Variants in AGAP1 observed in about 807,000 individuals in gnomAD.
AGAP1 encodes arf-GAP with GTPase, ANK repeat and PH domain-containing protein 1.
In AGAP1, 29 loss-of-function variants were observed where a neutral mutation model predicts 105.3. The ratio of observed to expected loss-of-function variants is 0.28; its 90% CI spans 0.21 to 0.38. AGAP1 has a LOEUF of 0.38. Ranked by LOEUF, AGAP1 falls within the 10% of genes least tolerant of loss-of-function variation. AGAP1 has a pLI of 1.00. For synonymous variants in AGAP1, 509 were observed against 485.9 expected, an observed-to-expected ratio of 1.05 and a Z score of -0.63; for missense variants, 998 against 1,165.1, an observed-to-expected ratio of 0.86 and a Z score of 2.09.
rs201038956 is a variant in AGAP1, at chr2:235,687,913, T to TTTA, written c.164-21264_164-21263insATT. Among the ~76,000 whole-genome samples the TTTA allele has an allele frequency of 2.1e-5, 3 of 144,886 alleles. 1 individual carries two copies. Among genetic ancestry groups the TTTA allele is most frequent in the African/African-American group, 7.8e-5 (3 of 38,548 alleles). ...CCGCTCTCTGACTTTTTTTTTTTTT[T>TTTA]TTTTTTGAGATGGAGTCTCACTCTG... On this transcript the variant is annotated intron_variant, in intron 1 of 17. Coordinates refer to ENST00000304032, the MANE Select transcript of AGAP1 (RefSeq NM_001037131.3).
chr2:235,739,696 C>T lies in AGAP1; in HGVS notation c.311-1267C>T, dbSNP rs1952461316. On this transcript the variant is annotated intron_variant, in intron 3 of 17. Coordinates refer to ENST00000304032, the MANE Select transcript of AGAP1 (RefSeq NM_001037131.3). This position sits in a 1 kb window ranked among gnomAD's most constrained non-coding sequence, Gnocchi z 5.3. ...ATGGCAGGAGCTCGCGGGAACGGGC[C>T]AACGCCCCACTGCCCCAGTCAGCCC... Among the ~76,000 whole-genome samples, 1 of 152,258 alleles carries T rather than the reference C, an allele frequency of 6.6e-6. No individual in the cohort carries two copies. The highest frequency in any genetic ancestry group is 1.5e-5 in the Non-Finnish European group (1 of 68,048).
At chr2:235,794,612 C>G (rs531026169) in intron 6 of AGAP1, among the ~76,000 whole-genome samples, 1 of 152,308 alleles carries the variant, frequency 6.6e-6, no homozygotes, top group African/African-American at 2.4e-5. Flanking sequence ...GTTGGGATTA[C>G]AGGCATGCGC....
chr2:235,526,304 A>T (rs1022735698), intron 1 of AGAP1, among the ~76,000 whole-genome samples: 2 of 152,240 alleles, frequency 1.3e-5, no homozygotes, highest in Non-Finnish European at 2.9e-5. Context: ...CCAGAGGCAT[A>T]TCTAGGTTCT....
Position 236,127,399 on chromosome 2 carries a change from G to A in AGAP1, c.*3277G>A, listed in dbSNP as rs1228734416. On this transcript the variant is annotated 3_prime_UTR_variant, in exon 18 of 18. Transcript: ENST00000304032. This position sits in a 1 kb window ranked among gnomAD's most constrained non-coding sequence, Gnocchi z 6.6. Reference sequence around the variant, plus strand: ...GCCCCAAAACCAGGTGCAGTGTCCTGTCTCCCAAGTGTGTGCACAATGTAT... The same window carrying A: ...GCCCCAAAACCAGGTGCAGTGTCCTATCTCCCAAGTGTGTGCACAATGTAT... 6.6e-6 allele frequency: 1 copy of A among 152,204 alleles called. No homozygotes were observed. Among genetic ancestry groups the A allele is most frequent in the South Asian group, 2.1e-4 (1 of 4,822 alleles). The allele number at this position is 152,204 out of a possible 1,614,324, so 9.4% of individuals were successfully genotyped here. A position where few individuals can be genotyped will look rare whatever the true frequency, so the allele number is the denominator to read the frequency against.
chr2:235,740,848 G>C lies in AGAP1; in HGVS notation c.311-115G>C. ...TTGCTGGCAACATCCTAAATACTCA[G>C]TTGCCTCCAGGGCGACAGCCTAGGG... On this transcript the variant is annotated intron_variant, in intron 3 of 17. Transcript: ENST00000304032. This position sits in a 1 kb window ranked among gnomAD's most constrained non-coding sequence, Gnocchi z 5.7. The C allele has an allele frequency of 1.7e-6, 2 of 1,190,318 alleles. No homozygotes were observed. The highest frequency in any genetic ancestry group is 2.4e-6 in the Non-Finnish European group (2 of 833,172). 73.7% of individuals were successfully genotyped at this position (1,190,318 alleles called of 1,614,324 possible).
chr2:235,950,791 A>C (rs1237945522), intron 12 of AGAP1, among the ~76,000 whole-genome samples: 1 of 152,154 alleles, frequency 6.6e-6, no homozygotes, highest in East Asian at 1.9e-4. Context: ...CCTAAAGATC[A>C]ACCACAGTAT....
Position 235,751,912 on chromosome 2 carries a change from C to T in AGAP1, c.673+1424C>T, listed in dbSNP as rs542321774. On this transcript the variant is annotated intron_variant, in intron 6 of 17. Coordinates refer to ENST00000304032, the MANE Select transcript of AGAP1 (RefSeq NM_001037131.3). This position sits in a 1 kb window ranked among gnomAD's most constrained non-coding sequence, Gnocchi z 5.3. Reference sequence around the variant, plus strand: ...CCTCCACTAACGTATATCTCGGGCACCTCCTGCTGCCTCTGTCGGGAGAAT... The same window carrying T: ...CCTCCACTAACGTATATCTCGGGCATCTCCTGCTGCCTCTGTCGGGAGAAT... 1.2e-4 allele frequency among the ~76,000 whole-genome samples: 18 copies of T among 152,302 alleles called. No homozygotes were observed. The highest frequency in any genetic ancestry group is 3.8e-4 in the African/African-American group (16 of 41,560).
rs1333721546 is a variant in AGAP1 at position 235,882,274 on chromosome 2, G to T, written c.1051-1071G>T. 5.3e-6 allele frequency: 3 copies of T among 565,004 alleles called. No individual in the cohort carries two copies. The highest frequency in any genetic ancestry group is 3.8e-5 in the African/African-American group (2 of 52,346). The allele number at this position is 565,004 out of a possible 1,614,324, so 35.0% of individuals were successfully genotyped here. The stretch of plus-strand genomic sequence containing the variant: ...AGTGCCCAGGTTCACAATGCAGCTT[G>T]TGGCTCGTGTCCATCTTGCAGGTCG... On this transcript the variant is annotated intron_variant, in intron 9 of 17. Transcript: ENST00000304032. This position sits in a 1 kb window ranked among gnomAD's most constrained non-coding sequence, Gnocchi z 4.6.
At position 236,045,940 on chromosome 2, in the gene AGAP1, A is replaced by G; in HGVS notation, c.1892-3119A>G. The G allele has an allele frequency of 2.1e-6, 1 of 471,580 alleles. No homozygotes were observed. Among genetic ancestry groups the G allele is most frequent in the South Asian group, 1.5e-5 (1 of 64,560 alleles). The allele number at this position is 471,580 out of a possible 1,614,324, so 29.2% of individuals were successfully genotyped here. On this transcript the variant is annotated intron_variant, in intron 15 of 17. Transcript: ENST00000304032. The surrounding 1 kb of genome is among the most constrained non-coding windows in gnomAD (Gnocchi z 6.9). ...CGCCCCCTGCAACATTTTGGGTTTC[A>G]GAGAATTCGGAGTCCGGCACAGGAA...
rs1400248312 is a variant in AGAP1, at chr2:235,662,319, A to G, written c.164-46860A>G. ...GCAGGCTGCCTCTGATCCCTCAGTC[A>G]GTGTGCAGAGCTGAGCTGATGAGGA... On this transcript the variant is annotated intron_variant, in intron 1 of 17. Transcript: ENST00000304032. The surrounding 1 kb of genome is among the most constrained non-coding windows in gnomAD (Gnocchi z 4.2). 6.6e-6 allele frequency among the ~76,000 whole-genome samples: 1 copy of G among 152,140 alleles called. No homozygotes were observed. The highest frequency in any genetic ancestry group is 2.4e-5 in the African/African-American group (1 of 41,416).
At position 235,517,819 on chromosome 2, in the gene AGAP1, C is replaced by G. The variant is rs1942451353; in HGVS notation, c.163+22970C>G. On this transcript the variant is annotated intron_variant, in intron 1 of 17. Transcript: ENST00000304032. The surrounding 1 kb of genome is among the most constrained non-coding windows in gnomAD (Gnocchi z 4.1). The stretch of plus-strand genomic sequence containing the variant: ...AGACATGGTGGCGTGTGCCTGTAAC[C>G]CCAGCTACACGGGAGGCTGAGGCAG... 6.6e-6 allele frequency among the ~76,000 whole-genome samples: 1 copy of G among 151,476 alleles called. No homozygotes were observed. Among genetic ancestry groups the G allele is most frequent in the Admixed American group, 6.6e-5 (1 of 15,212 alleles).
In AGAP1 at chr2:235,872,916, C is replaced by T. The variant is rs1394491455; in HGVS notation, c.1051-10429C>T. Among the ~76,000 whole-genome samples, 4 of 152,136 alleles carry T rather than the reference C, an allele frequency of 2.6e-5. No homozygotes were observed. Among genetic ancestry groups the T allele is most frequent in the African/African-American group, 9.7e-5 (4 of 41,406 alleles). On this transcript the variant is annotated intron_variant, in intron 9 of 17. Coordinates refer to ENST00000304032, the MANE Select transcript of AGAP1 (RefSeq NM_001037131.3). This position sits in a 1 kb window ranked among gnomAD's most constrained non-coding sequence, Gnocchi z 4.5. ...CTTGTGTTGCCACATGTGAGAAGAC[C>T]TCTCAATGGGGCTTTTGTGGTGGCT...
At chr2:235,785,468 G>C (rs143943457) in intron 6 of AGAP1, among the ~76,000 whole-genome samples, 1 of 152,232 alleles carries the variant, frequency 6.6e-6, no homozygotes, top group East Asian at 1.9e-4. Context: ...TGGCCTTTAC[G>C]TCTTACATTT....
At chr2:235,763,646 G>T (rs531041052) in intron 6 of AGAP1, among the ~76,000 whole-genome samples, 1 of 152,310 alleles carries the variant, frequency 6.6e-6, no homozygotes. Context: ...CAGGAGACCT[G>T]TCCTAATTCA....
chr2:235,799,848 C>T lies in AGAP1; in HGVS notation c.957+326C>T, dbSNP rs1218171353. Among the ~76,000 whole-genome samples the T allele has an allele frequency of 2.6e-5, 4 of 152,096 alleles. No homozygotes were observed. Among genetic ancestry groups the T allele is most frequent in the African/African-American group, 9.7e-5 (4 of 41,408 alleles). ...AAGGAGATGACAAAACTCTAAGATT[C>T]CCAGATGTGTGTCTCTAACCGTTCA... is the stretch of plus-strand genomic sequence containing the variant. On this transcript the variant is annotated intron_variant, in intron 8 of 17. Transcript: ENST00000304032. This position sits in a 1 kb window ranked among gnomAD's most constrained non-coding sequence, Gnocchi z 5.0.
chr2:235,724,399 G>C lies in AGAP1; in HGVS notation c.310+6755G>C, dbSNP rs1483159601. On this transcript the variant is annotated intron_variant, in intron 3 of 17. Transcript: ENST00000304032. This position sits in a 1 kb window ranked among gnomAD's most constrained non-coding sequence, Gnocchi z 4.9. Reference sequence around the variant, plus strand: ...GCAGCTGCCCCCATGCTCTGTCCCAGAGACGGAACACACTGGTCACTGGGA... The same window carrying C: ...GCAGCTGCCCCCATGCTCTGTCCCACAGACGGAACACACTGGTCACTGGGA... 6.6e-6 allele frequency among the ~76,000 whole-genome samples: 1 copy of C among 152,220 alleles called. No individual in the cohort carries two copies. The highest frequency in any genetic ancestry group is 1.9e-4 in the East Asian group (1 of 5,194).
chr2:235,838,143 G>A (rs1014754124), intron 9 of AGAP1, among the ~76,000 whole-genome samples: 2 of 152,184 alleles, frequency 1.3e-5, no homozygotes, highest in African/African-American at 2.4e-5. Context: ...CAGAGATTGT[G>A]CCACTGCACT....
chr2:236,105,668 GCGTT>G lies in AGAP1; in HGVS notation c.2115-14522_2115-14519del. On this transcript the variant is annotated intron_variant, in intron 16 of 17. Coordinates refer to ENST00000304032, the MANE Select transcript of AGAP1 (RefSeq NM_001037131.3). This position sits in a 1 kb window ranked among gnomAD's most constrained non-coding sequence, Gnocchi z 4.2. ...CCTCCCGGGTTCACACCATTCTCCC[GCGTT>G]CACGCCATTCTCCCGCGTTCACGCC... Among the ~76,000 whole-genome samples the G allele has an allele frequency of 1.7e-5, 1 of 57,178 alleles. No individual in the cohort carries two copies. Among genetic ancestry groups the G allele is most frequent in the Non-Finnish European group, 4.5e-5 (1 of 22,040 alleles). The allele number at this position is 57,178 out of a possible 152,430, so 37.5% of individuals were successfully genotyped here.
In AGAP1 at chr2:236,044,236, T is replaced by C. The variant is rs2057648723; in HGVS notation, c.1891+3395T>C. ...CTGTTCAGCATGGCCCAACCCAGCA[T>C]GTCCCAGGCCCATCGGACAGTGGGG... On this transcript the variant is annotated intron_variant, in intron 15 of 17. Transcript: ENST00000304032. This position sits in a 1 kb window ranked among gnomAD's most constrained non-coding sequence, Gnocchi z 5.7. 1.3e-5 allele frequency among the ~76,000 whole-genome samples: 2 copies of C among 152,204 alleles called. No individual in the cohort carries two copies. The highest frequency in any genetic ancestry group is 6.5e-5 in the Admixed American group (1 of 15,280).
Sources: allele counts gnomAD v4.1 joint callset (sites outside exome capture counted in the v4.1 genomes callset), GRCh38; gene constraint gnomAD v4.1.1; non-coding constraint Gnocchi (gnomAD v3.1); transcripts MANE v1.5; gene names NCBI Gene and HGNC (gene_info 2026-07-23, HGNC 2026-07-21).